The following SCUBE2 variants were observed in gnomAD, a reference collection of about 807,000 sequenced individuals.
SCUBE2 encodes the protein signal peptide, CUB and EGF-like domain-containing protein 2.
SCUBE2 carries 114 observed loss-of-function variants against 125.9 expected under a neutral mutation model. The ratio of observed to expected loss-of-function variants is 0.91; its 90% confidence interval spans 0.78 to 1.06. The LOEUF (loss-of-function observed/expected upper bound fraction) is 1.06. SCUBE2 is among the 50% of genes least tolerant of loss of function. SCUBE2 has a pLI of 0.00. For synonymous variants in SCUBE2, 459 were observed against 492.9 expected (o/e 0.93, Z 0.91); for missense variants, 1,255 against 1,301.8 (o/e 0.96, Z 0.55).
Position 9,066,683 on chromosome 11 carries a change from G to C in SCUBE2, c.760+14C>G. ...TGGTGCAGACCCTCACTCAGTGTTG[G>C]GGTTGCCACTCACCAAGGCAGCTCC... is the stretch of plus-strand genomic sequence containing the variant. On this transcript the variant is annotated intron_variant, in intron 6 of 22. Coordinates refer to ENST00000649792, the MANE Select transcript of SCUBE2 (RefSeq NM_001367977.2). The C allele has an allele frequency of 6.2e-7, 1 of 1,602,368 alleles. No individual in the cohort carries two copies. The highest frequency in any genetic ancestry group is 8.6e-7 in the Non-Finnish European group (1 of 1,169,448).
intron 9 of SCUBE2, among the ~76,000 whole-genome samples, chr11:9,057,992 A>C (rs576174027): frequency 6.6e-6 from 1 of 152,338 alleles, no homozygotes; most frequent in African/African-American, 2.4e-5. Context: ...ACAGCTGCTA[A>C]TACTAACAAC....
At chr11:9,084,186 A>G (rs1861879092) in intron 2 of SCUBE2, among the ~76,000 whole-genome samples, 1 of 152,228 alleles carries the variant, frequency 6.6e-6, no homozygotes, top group African/African-American at 2.4e-5. Flanking sequence ...TGACGTCAAA[A>G]TGACACAGGA....
At chr11:9,079,540 G>A (rs1431746311) in intron 2 of SCUBE2, 31 bp from the exon 3 acceptor site, 6 of 1,606,440 alleles carry the variant, frequency 3.7e-6, no homozygotes, top group Non-Finnish European at 5.1e-6. Context: ...AAACCAGACA[G>A]GTGCTATTTC....
At chr11:9,062,472 T>G (rs1437240801) in intron 7 of SCUBE2, among the ~76,000 whole-genome samples, 1 of 152,232 alleles carries the variant, frequency 6.6e-6, no homozygotes, top group Admixed American at 6.5e-5. Context: ...CCAATTGGCT[T>G]TTTAGTATTT....
intron 16 of SCUBE2, among the ~76,000 whole-genome samples, chr11:9,039,611 C>T (rs577198257): frequency 2.0e-5 from 3 of 152,048 alleles, no homozygotes; most frequent in African/African-American, 4.8e-5. Flanking sequence ...GATGATCCAC[C>T]GGGTGGGAGC....
At chr11:9,074,370 C>A in intron 4 of SCUBE2, 111 bp downstream of exon 4, 1 of 1,395,686 alleles carries the variant, frequency 7.2e-7, no homozygotes. Context: ...CCTCAGGCCT[C>A]CAGACTTTCT....
chr11:9,072,713 TCA>T (rs1307162681), intron 4 of SCUBE2, among the ~76,000 whole-genome samples: 1 of 152,156 alleles, frequency 6.6e-6, no homozygotes, highest in Admixed American at 6.5e-5. Context: ...CAACAGAAAA[TCA>T]CAGAGAGCAC....
intron 16 of SCUBE2, among the ~76,000 whole-genome samples, chr11:9,046,229 C>T (rs1191879854): frequency 2.6e-5 from 4 of 151,842 alleles, no homozygotes; most frequent in East Asian, 3.9e-4. Context: ...AGGATGGTCT[C>T]GATCTCCTGA....
intron 16 of SCUBE2, among the ~76,000 whole-genome samples, chr11:9,038,329 A>G (rs904217630): frequency 3.9e-5 from 6 of 152,272 alleles, no homozygotes; most frequent in African/African-American, 1.4e-4. Flanking sequence ...GCCTTTCTGA[A>G]CAGAGACCAG....
At position 9,091,347 on chromosome 11, in the gene SCUBE2, C is replaced by T; in HGVS notation, c.133+49G>A. On this transcript the variant is annotated intron_variant, in intron 1 of 22. Transcript: ENST00000649792. The surrounding 1 kb of genome is among the most constrained non-coding windows in gnomAD (Gnocchi z 8.5). ...CTCCGCCGGGGACCTAAACACTCTTCCTGGCCCTGCCTGCTGTGCCAGGTG... is the reference window on the plus strand; with the variant it reads ...CTCCGCCGGGGACCTAAACACTCTTTCTGGCCCTGCCTGCTGTGCCAGGTG... The T allele has an allele frequency of 2.7e-5, 34 of 1,269,150 alleles. No individual in the cohort carries two copies. Among genetic ancestry groups the T allele is most frequent in the Non-Finnish European group, 3.4e-5 (34 of 1,005,554 alleles). The allele number at this position is 1,269,150 out of a possible 1,614,324, so 78.6% of individuals were successfully genotyped here.
chr11:9,021,161 C>T lies in SCUBE2; in HGVS notation c.2971G>A (p.Ala991Thr). The T allele has an allele frequency of 6.2e-7, 1 of 1,606,260 alleles. No homozygotes were observed. Among genetic ancestry groups the T allele is most frequent in the Non-Finnish European group, 8.5e-7 (1 of 1,176,612 alleles). The change falls in exon 23 of 23, where the codon GCC becomes ACC. Residue 991 changes from alanine (A) to threonine (T), a missense_variant. By Grantham distance (58) the Ala-to-Thr change is moderately conservative. Coordinates refer to ENST00000649792, the MANE Select transcript of SCUBE2 (RefSeq NM_001367977.2). The part of the protein sequence containing the change: ...KLIKALFDVL[A>T]HPQNYFKYTA... ...TACTTGAAATAGTTCTGGGGATGGG[C>T]CAGGACATCAAACAGAGCCTTGATA...
At chr11:9,049,431 A>T (rs113341968) in intron 14 of SCUBE2, among the ~76,000 whole-genome samples, 27 of 152,068 alleles carry the variant, frequency 1.8e-4, no homozygotes, top group African/African-American at 6.0e-4. Context: ...GTTTTTGTAG[A>T]GATGGGGTTT....
intron 10 of SCUBE2, among the ~76,000 whole-genome samples, chr11:9,053,990 C>CT (rs11474890): frequency 0.049 from 3,701 of 74,920 alleles, 286 homozygotes; most frequent in African/African-American, 0.17. Context: ...AAGCTCCACT[C>CT]TTTTTTTTTT....
At chr11:9,066,636 G>T in intron 6 of SCUBE2, 61 bp downstream of exon 6, 1 of 1,322,750 alleles carries the variant, frequency 7.6e-7, no homozygotes, top group Non-Finnish European at 1.1e-6. Flanking sequence ...CCATTAAGGG[G>T]TAGGGGTAGG....
chr11:9,029,028 T>C (rs1281281563), intron 19 of SCUBE2, among the ~76,000 whole-genome samples: 1 of 151,790 alleles, frequency 6.6e-6, no homozygotes, highest in African/African-American at 2.4e-5. Flanking sequence ...AATGATGTAC[T>C]GCCCCCCTCA....
chr11:9,054,980 C>T (rs190608931), intron 10 of SCUBE2, among the ~76,000 whole-genome samples: 8 of 151,760 alleles, frequency 5.3e-5, no homozygotes, highest in Admixed American at 1.3e-4. Context: ...GTGATCCGCC[C>T]GCCTTGGCCT....
rs532579250 is a variant in SCUBE2 at position 9,065,889 on chromosome 11, A to G, written c.850+2T>C. The G allele has an allele frequency of 6.2e-7, 1 of 1,613,406 alleles. No individual in the cohort carries two copies. Among genetic ancestry groups the G allele is most frequent in the East Asian group, 2.2e-5 (1 of 44,876 alleles). On this transcript the variant is annotated splice_donor_variant, in intron 7 of 22. Transcript: ENST00000649792. LOFTEE classifies it high-confidence loss of function. Reference sequence around the variant, plus strand: ...CCAAGGAAAGGGAGTGAAGGTGCCTACCCATGAGCAGCCGCCGTTTCACCC... The same window carrying G: ...CCAAGGAAAGGGAGTGAAGGTGCCTGCCCATGAGCAGCCGCCGTTTCACCC...
Position 9,027,461 on chromosome 11 carries a change from G to C in SCUBE2, c.2604C>G (p.Ile868Met), listed in dbSNP as rs1855884344. The C allele has an allele frequency of 6.2e-7, 1 of 1,614,096 alleles. No individual in the cohort carries two copies. The highest frequency in any genetic ancestry group is 8.5e-7 in the Non-Finnish European group (1 of 1,180,016). The change falls in exon 20 of 23, where the codon ATC becomes ATG. Residue 868 changes from isoleucine to methionine, a missense_variant. By Grantham distance (10) the Ile-to-Met change is conservative (BLOSUM62 1). Transcript: ENST00000649792. ...GGATGCGGCGCTTGGGGGGTGGGTTGATGGTCCACGTACACTCGGTGTTGG... is the reference window on the plus strand; with the variant it reads ...GGATGCGGCGCTTGGGGGGTGGGTTCATGGTCCACGTACACTCGGTGTTGG... ...YPANTECTWT[I>M]NPPPKRRILI... is the part of the protein sequence containing the mutation.
intron 14 of SCUBE2, 60 bp downstream of exon 14, chr11:9,050,546 G>A: frequency 7.5e-7 from 1 of 1,339,150 alleles, no homozygotes. Context: ...CAGCTCGGCT[G>A]GCTGCAGGCC....
Sources: allele counts gnomAD v4.1 joint callset (sites outside exome capture counted in the v4.1 genomes callset), GRCh38; gene constraint gnomAD v4.1.1; non-coding constraint Gnocchi (gnomAD v3.1); transcripts MANE v1.5; gene names NCBI Gene and HGNC (gene_info 2026-07-23, HGNC 2026-07-21).